Variants in SAGE1 observed in about 807,000 individuals in gnomAD.
SAGE1 encodes the protein sarcoma antigen 1.
A neutral mutation model predicts 55.4 loss-of-function variants in SAGE1; 55 were observed. The ratio of observed to expected loss-of-function variants is 0.99; its 90% CI spans 0.80 to 1.24. SAGE1 has a LOEUF of 1.24. Among genes scored for constraint, SAGE1 ranks in the 50% most tolerant of loss-of-function variants. SAGE1 has a pLI of 0.00. For synonymous variants in SAGE1, 240 were observed against 244.3 expected, an observed-to-expected ratio of 0.98 and a Z score of 0.17; for missense variants, 710 against 704.4, an observed-to-expected ratio of 1.01 and a Z score of -0.09.
chrX:135,907,348 A>T lies in SAGE1; in HGVS notation c.913A>T (p.Met305Leu). ...CCCTCACAATGTCTGTGAAGAGAAG[A>T]TGGAAAATGACCAACCGCAACCTAA... is the stretch of plus-strand genomic sequence containing the variant. ...TVPHNVCEEK[M>L]ENDQPQPNNV... is the part of the protein sequence containing the mutation. Residue 305 changes from methionine to leucine, a missense_variant, in exon 9 of 20, where the codon ATG becomes TTG. Coordinates refer to ENST00000370709, the MANE Select transcript of SAGE1 (RefSeq NM_001381902.1). 1 of 1,208,054 alleles carries T rather than the reference A, an allele frequency of 8.3e-7. No homozygotes were observed. Among genetic ancestry groups the T allele is most frequent in the Non-Finnish European group, 1.1e-6 (1 of 893,026 alleles).
chrX:135,910,075 G>A lies in SAGE1; in HGVS notation c.1769G>A (p.Gly590Asp). 3.3e-6 allele frequency: 4 copies of A among 1,206,975 alleles called. No individual in the cohort carries two copies. Among genetic ancestry groups the A allele is most frequent in the Non-Finnish European group, 3.4e-6 (3 of 891,627 alleles). Residue 590 changes from glycine (G) to aspartate (D), a missense_variant, in exon 15 of 20, where the codon GGC becomes GAC. Transcript: ENST00000370709. ...HNVHEEKIKN[G>D]QAASDNVFST... ...GTCCATGAAGAGAAGATTAAAAATG[G>A]CCAAGCAGCATCCGATAATGTCTTC...
chrX:135,912,844 GAAAT>G lies in SAGE1; in HGVS notation c.2664_2667del (p.Asp890ProfsTer11). ...TCAGCAACTCGAGAAGGCGCTTAAA[GAAAT>G]AGATTCCCACTGCCATCTCAGAAAA... On this transcript the variant is annotated frameshift_variant, in exon 20 of 20. Transcript: ENST00000370709. LOFTEE classifies it low-confidence loss of function (END_TRUNC). 1 of 1,210,045 alleles carries G rather than the reference GAAAT, an allele frequency of 8.3e-7. No individual in the cohort carries two copies. Among genetic ancestry groups the G allele is most frequent in the East Asian group, 3.0e-5 (1 of 33,810 alleles).
chrX:135,909,837 T>G, intron 14 of SAGE1, 58 bp downstream of exon 14: 1 of 1,062,344 alleles, frequency 9.4e-7, no homozygotes, highest in South Asian at 2.2e-5. Context: ...ATGCCTAGTG[T>G]CATGAATAGG....
chrX:135,896,711 A>C, intron 2 of SAGE1, among the ~76,000 whole-genome samples: 1 of 109,410 alleles, frequency 9.1e-6, no homozygotes, highest in Middle Eastern at 4.7e-3. Context: ...GGCATGCGCC[A>C]CCACACCCAG....
At chrX:135,904,116 G>A (rs1475725420) in intron 3 of SAGE1, among the ~76,000 whole-genome samples, 1 of 111,567 alleles carries the variant, frequency 9.0e-6, no homozygotes, top group Non-Finnish European at 1.9e-5. Flanking sequence ...ATGAAGAGAA[G>A]GTAAAAAATG....
chrX:135,908,723 T>A, intron 12 of SAGE1, 106 bp downstream of exon 12: 4 of 1,031,900 alleles, frequency 3.9e-6, no homozygotes, highest in Non-Finnish European at 4.0e-6. Flanking sequence ...TGGCCTCAAT[T>A]TGAGGGGCCT....
At chrX:135,911,975 A>G (rs1484552361) in intron 18 of SAGE1, 22 bp downstream of exon 18, 2 of 1,202,016 alleles carry the variant, frequency 1.7e-6, no homozygotes, top group Non-Finnish European at 2.2e-6. Flanking sequence ...AAGAATGTCT[A>G]TCAATGAAAG....
intron 2 of SAGE1, among the ~76,000 whole-genome samples, chrX:135,900,491 A>T (rs1280332339): frequency 9.0e-6 from 1 of 110,892 alleles, no homozygotes; most frequent in Non-Finnish European, 1.9e-5. Context: ...TATCAGGGTG[A>T]TGCTGGTCTC....
rs782468730 is a variant in SAGE1, at chrX:135,903,239, T to C, written c.221-1238T>C. 2.7e-5 allele frequency among the ~76,000 whole-genome samples: 3 copies of C among 113,008 alleles called. No individual in the cohort carries two copies. In the East Asian group the frequency reaches 8.4e-4, roughly 32 times the overall value. Reference sequence around the variant, plus strand: ...GCCTCTGCACAGGAGGCTCTGCTTCTTTCTCCAAGCCCTGCCCAATGGCAC... The same window carrying C: ...GCCTCTGCACAGGAGGCTCTGCTTCCTTCTCCAAGCCCTGCCCAATGGCAC... On this transcript the variant is annotated intron_variant, in intron 3 of 19. Transcript: ENST00000370709.
Position 135,906,478 on chromosome X carries a change from GT to G in SAGE1, c.665del (p.Leu222CysfsTer2), listed in dbSNP as rs782081865. 5.5e-5 allele frequency: 67 copies of G among 1,208,316 alleles called. No homozygotes were observed. The highest frequency in any genetic ancestry group is 7.1e-5 in the Non-Finnish European group (63 of 893,255). On this transcript the variant is annotated frameshift_variant, in exon 7 of 20. Transcript: ENST00000370709. LOFTEE classifies it high-confidence loss of function. ...ENVQPAPDNV[L>X]LTLRPRRINM... ...ATGTCCAACCAGCACCTGATAACGT[GT>G]TGTTGACTCTTCGACCACGGCGTAT...
intron 2 of SAGE1, among the ~76,000 whole-genome samples, chrX:135,898,087 G>A (rs1312175204): frequency 1.8e-5 from 2 of 111,004 alleles, no homozygotes; most frequent in African/African-American, 3.3e-5. Flanking sequence ...GCATGATCTC[G>A]GCTCACTGCA....
intron 13 of SAGE1, 130 bp downstream of exon 13, chrX:135,909,134 G>T: frequency 1.8e-6 from 1 of 554,979 alleles, no homozygotes; most frequent in South Asian, 4.0e-5. Flanking sequence ...TTGTCCACAT[G>T]GCATATCCTC....
intron 3 of SAGE1, among the ~76,000 whole-genome samples, chrX:135,903,694 G>C (rs2088724733): frequency 8.9e-6 from 1 of 112,119 alleles, no homozygotes; most frequent in Non-Finnish European, 1.9e-5. Context: ...AGGTTAAGGA[G>C]GGCTCACTTA....
At chrX:135,897,675 C>T (rs1412896072) in intron 2 of SAGE1, among the ~76,000 whole-genome samples, 2 of 111,957 alleles carry the variant, frequency 1.8e-5, no homozygotes, top group East Asian at 5.6e-4. Flanking sequence ...ATTTCTTCAA[C>T]TTTTACTTTA....
At chrX:135,899,601 A>G (rs1398467524) in intron 2 of SAGE1, among the ~76,000 whole-genome samples, 2 of 111,699 alleles carry the variant, frequency 1.8e-5, no homozygotes, top group African/African-American at 6.5e-5. Flanking sequence ...CCATTTTCAC[A>G]ATATTGATTC....
intron 15 of SAGE1, 35 bp from the exon 16 acceptor site, chrX:135,910,380 C>G (rs1556605570): frequency 1.2e-5 from 14 of 1,204,163 alleles, no homozygotes; most frequent in Non-Finnish European, 1.1e-6. Flanking sequence ...ACATAATGCA[C>G]TTACCTCACG....
chrX:135,896,523 A>ATTTATTTTAT (rs782590619), intron 2 of SAGE1, among the ~76,000 whole-genome samples, 194 bp downstream of exon 2: 3,338 of 103,825 alleles, frequency 0.032, 66 homozygotes, highest in Non-Finnish European at 0.045. Flanking sequence ...CTAGGAACTG[A>ATTTATTTTAT]TTTATTTTAT....
chrX:135,912,874 G>C lies in SAGE1; in HGVS notation c.2692G>C (p.Val898Leu). The C allele has an allele frequency of 8.3e-7, 1 of 1,199,869 alleles. No individual in the cohort carries two copies. The highest frequency in any genetic ancestry group is 2.2e-5 in the Admixed American group (1 of 45,887). Residue 898 changes from valine (V) to leucine (L), a missense_variant, in exon 20 of 20, where the codon GTT becomes CTT. By Grantham distance (32) the Val-to-Leu change is conservative. Coordinates refer to ENST00000370709, the MANE Select transcript of SAGE1 (RefSeq NM_001381902.1). The stretch of plus-strand genomic sequence containing the variant: ...AGATTCCCACTGCCATCTCAGAAAA[G>C]TTAAGCACATGAGAAAAAGATAATT... ...EIDSHCHLRK[V>L]KHMRKR
rs2088877063 is a variant in SAGE1 at position 135,910,473 on chromosome X, T to C, written c.1923T>C (p.Pro641=). Reference sequence around the variant, plus strand: ...AGATAAATAACAGCCAACCAGCACCTGGTAACATCTTGTCAACTGCTCCTC... The same window carrying C: ...AGATAAATAACAGCCAACCAGCACCCGGTAACATCTTGTCAACTGCTCCTC... The part of the protein sequence containing the change: ...EEKINNSQPA[P]GNILSTAPPW... Residue 641 remains proline (P), a synonymous_variant, in exon 16 of 20, where the codon CCT becomes CCC. Transcript: ENST00000370709. 8.3e-7 allele frequency: 1 copy of C among 1,208,151 alleles called. No homozygotes were observed. Among genetic ancestry groups the C allele is most frequent in the Admixed American group, 2.2e-5 (1 of 45,723 alleles).
Sources: gnomAD v4.1 joint callset for allele counts (sites outside exome capture counted in the v4.1 genomes callset) on GRCh38, gnomAD v4.1.1 for gene constraint, MANE v1.5 for transcripts, NCBI Gene and HGNC (gene_info 2026-07-23, HGNC 2026-07-21) for gene names.